LINGO2: variants seen among roughly 807,000 people sequenced by gnomAD.
LINGO2 encodes the protein leucine-rich repeat and immunoglobulin-like domain-containing nogo receptor-interacting protein 2.
In LINGO2, 14 loss-of-function variants were observed where a neutral mutation model predicts 30.6. The ratio of observed to expected loss-of-function variants is 0.46; its 90% CI spans 0.30 to 0.72. The LOEUF is 0.72. Among genes scored for constraint, LINGO2 ranks in the 30% least tolerant of loss-of-function variants. The pLI, the probability that LINGO2 is intolerant of heterozygous loss-of-function variation, is 0.07. For missense variants in LINGO2, 729 were observed against 751.7 expected, an observed-to-expected ratio of 0.97 and a Z score of 0.35; for synonymous variants, 317 against 288.5, an observed-to-expected ratio of 1.10 and a Z score of -1.00.
chr9:28,325,167 G>A (rs532743184), intron 3 of LINGO2, among the ~76,000 whole-genome samples: 1 of 146,912 alleles, frequency 6.8e-6, no homozygotes, highest in Non-Finnish European at 1.5e-5. Flanking sequence ...AGACAGGTTT[G>A]TTCCTGATTA....
At chr9:29,200,403 A>G in the LINGO2 span, among the ~76,000 whole-genome samples, 1 of 152,078 alleles carries the variant, frequency 6.6e-6, no homozygotes, top group South Asian at 2.1e-4. Flanking sequence ...TAATCTTTGA[A>G]TTTTTCTTTT....
chr9:28,141,306 C>T (rs1827665280), intron 4 of LINGO2, among the ~76,000 whole-genome samples: 1 of 152,126 alleles, frequency 6.6e-6, no homozygotes, highest in Non-Finnish European at 1.5e-5. Flanking sequence ...GCAGAATTGC[C>T]AGCCACAGGA....
intron 3 of LINGO2, among the ~76,000 whole-genome samples, chr9:28,328,021 C>G (rs929790465): frequency 1.3e-5 from 2 of 152,080 alleles, no homozygotes; most frequent in African/African-American, 4.8e-5. Context: ...ACTTTTGGAC[C>G]CTGTGAATGT....
At chr9:28,950,545 A>T in the LINGO2 span, among the ~76,000 whole-genome samples, 19 of 150,922 alleles carry the variant, frequency 1.3e-4, no homozygotes, top group Non-Finnish European at 2.5e-4. Flanking sequence ...ATTTCAGCAA[A>T]GTCTCAGGAT....
At chr9:28,251,650 T>C (rs1428955959) in intron 4 of LINGO2, among the ~76,000 whole-genome samples, 1 of 152,190 alleles carries the variant, frequency 6.6e-6, no homozygotes, top group African/African-American at 2.4e-5. Context: ...AGAACTGTTT[T>C]CTTTCTCTTC....
the LINGO2 span, among the ~76,000 whole-genome samples, chr9:28,987,226 A>G: frequency 2.0e-5 from 3 of 151,626 alleles, no homozygotes; most frequent in East Asian, 1.9e-4. Flanking sequence ...CTCCTTCCTC[A>G]TTATTGGTCT....
chr9:27,966,457 A>G (rs1171094344), intron 5 of LINGO2, among the ~76,000 whole-genome samples: 1 of 152,150 alleles, frequency 6.6e-6, no homozygotes, highest in Non-Finnish European at 1.5e-5. Flanking sequence ...ATCCTCAACA[A>G]ACTAACACAG....
the LINGO2 span, among the ~76,000 whole-genome samples, chr9:28,858,037 C>G: frequency 6.6e-6 from 1 of 151,926 alleles, no homozygotes; most frequent in Non-Finnish European, 1.5e-5. Context: ...CACTACCAAA[C>G]ATTCTAATGT....
chr9:28,887,939 C>T, the LINGO2 span, among the ~76,000 whole-genome samples: 2 of 151,878 alleles, frequency 1.3e-5, no homozygotes, highest in Admixed American at 6.6e-5. Flanking sequence ...AAAGACAGGT[C>T]AAAATGAAGG....
intron 1 of LINGO2, among the ~76,000 whole-genome samples, chr9:28,575,321 C>T (rs541065698): frequency 1.3e-5 from 2 of 151,936 alleles, no homozygotes; most frequent in African/African-American, 4.8e-5. Context: ...ATTGCTTGAA[C>T]CTCGGCGGCA....
the LINGO2 span, among the ~76,000 whole-genome samples, chr9:28,821,625 A>G: frequency 3.3e-5 from 5 of 152,328 alleles, no homozygotes; most frequent in South Asian, 1.0e-3. Context: ...TTAGAGAACA[A>G]TAGGCCTGGT....
chr9:28,917,782 A>G, the LINGO2 span, among the ~76,000 whole-genome samples: 1 of 152,118 alleles, frequency 6.6e-6, no homozygotes, highest in East Asian at 1.9e-4. Flanking sequence ...TTAAATTTTC[A>G]AATGACAGAA....
chr9:28,039,160 A>G (rs965856552), intron 4 of LINGO2, among the ~76,000 whole-genome samples: 8 of 152,182 alleles, frequency 5.3e-5, no homozygotes, highest in African/African-American at 1.9e-4. Context: ...AAATTGAAAA[A>G]CAAGTATAAG....
chr9:28,172,030 A>C lies in LINGO2; in HGVS notation c.-87+123178T>G, dbSNP rs867812281. ...AGACTCCGTCTCAAAAAAAAAAAAAAAAACAAAAAAAAAAACCCAGCATCT... is the reference window on the plus strand; with the variant it reads ...AGACTCCGTCTCAAAAAAAAAAAAACAAACAAAAAAAAAAACCCAGCATCT... On this transcript the variant is annotated intron_variant, in intron 4 of 5. Coordinates refer to ENST00000379992, the Ensembl canonical transcript of LINGO2. Among the ~76,000 whole-genome samples the C allele has an allele frequency of 1.6e-4, 12 of 75,126 alleles. 1 individual carries two copies. The highest frequency in any genetic ancestry group is 4.5e-4 in the South Asian group (1 of 2,220). 49.3% of individuals were successfully genotyped at this position (75,126 alleles called of 152,430 possible).
chr9:28,280,090 C>A (rs1394943584), intron 4 of LINGO2, among the ~76,000 whole-genome samples: 1 of 151,890 alleles, frequency 6.6e-6, no homozygotes, highest in Non-Finnish European at 1.5e-5. Flanking sequence ...TGAGAGAATG[C>A]TAAATGGAGT....
chr9:27,976,021 G>A (rs1473642376), intron 5 of LINGO2, among the ~76,000 whole-genome samples: 2 of 152,088 alleles, frequency 1.3e-5, no homozygotes, highest in Non-Finnish European at 2.9e-5. Context: ...CATGGGTTTG[G>A]AATCAGGCTG....
At chr9:28,027,282 A>G (rs2778426) in intron 4 of LINGO2, among the ~76,000 whole-genome samples, 150,860 of 152,292 alleles carry the variant, frequency 0.99, 74,743 homozygotes, top group Middle Eastern at 1. Context: ...AAATTGAGGT[A>G]TAGAGAAGTA....
chr9:28,382,257 A>G (rs754375432), intron 2 of LINGO2, among the ~76,000 whole-genome samples: 37 of 152,146 alleles, frequency 2.4e-4, no homozygotes, highest in Non-Finnish European at 4.9e-4. Context: ...CTGCATTTAT[A>G]TTTATGACAT....
chr9:28,891,898 GT>G, the LINGO2 span, among the ~76,000 whole-genome samples: 1 of 151,770 alleles, frequency 6.6e-6, no homozygotes, highest in African/African-American at 2.4e-5. Flanking sequence ...GCACTTAAAA[GT>G]TTATATGAGT....
Sources: allele counts gnomAD v4.1 joint callset (sites outside exome capture counted in the v4.1 genomes callset), GRCh38; gene constraint gnomAD v4.1.1; transcripts MANE v1.5; gene names NCBI Gene and HGNC (gene_info 2026-07-23, HGNC 2026-07-21).